The following ANO4 variants were observed in gnomAD, a reference collection of about 807,000 sequenced individuals.
ANO4 encodes anoctamin 4.
A neutral mutation model predicts 141.9 loss-of-function variants in ANO4; 69 were observed. The ratio of observed to expected loss-of-function variants is 0.49; its 90% CI spans 0.40 to 0.59. The LOEUF (loss-of-function observed/expected upper bound fraction) is 0.59. ANO4 is among the 20% of genes least tolerant of loss of function. The pLI is 0.00. For synonymous variants in ANO4, 350 were observed against 394.3 expected, an observed-to-expected ratio of 0.89 and a Z score of 1.33; for missense variants, 894 against 1,162.2, an observed-to-expected ratio of 0.77 and a Z score of 3.36.
At chr12:100,821,951 G>A (rs2036078223) in intron 1 of ANO4, among the ~76,000 whole-genome samples, 1 of 151,810 alleles carries the variant, frequency 6.6e-6, no homozygotes, top group South Asian at 2.1e-4. Flanking sequence ...GACACTATAT[G>A]AAAGTGCTCA....
intron 2 of ANO4, among the ~76,000 whole-genome samples, chr12:100,917,504 C>T (rs752138383): frequency 4.6e-5 from 7 of 152,118 alleles, no homozygotes; most frequent in African/African-American, 7.2e-5. Context: ...ATCAGTAGTA[C>T]GAAGTAGGCA....
chr12:101,125,349 G>T (rs575090054), intron 26 of ANO4, among the ~76,000 whole-genome samples: 1 of 152,238 alleles, frequency 6.6e-6, no homozygotes, highest in South Asian at 2.1e-4. Flanking sequence ...TTGCTTATCA[G>T]CTTAAGAAGC....
rs75488747 is a variant in ANO4 at position 100,796,926 on chromosome 12, C to T, written c.-141+1899C>T. On this transcript the variant is annotated intron_variant, in intron 1 of 27. Transcript: ENST00000392977. ...TCATTAAGATGGAAAGTGTTAGAAT[C>T]AGCTTGGGTGTCATGGAAATAGACT... 3.3e-3 allele frequency among the ~76,000 whole-genome samples: 495 copies of T among 152,186 alleles called. 7 individuals carry two copies. The East Asian group carries it at 0.048, about 15-fold the overall frequency.
At chr12:100,876,457 G>T (rs1045001756) in intron 1 of ANO4, among the ~76,000 whole-genome samples, 1 of 152,166 alleles carries the variant, frequency 6.6e-6, no homozygotes, top group African/African-American at 2.4e-5. Context: ...TGGGATGATA[G>T]CTGGAAGGTT....
chr12:100,718,479 A>G (rs2136707988), intron 1 of ANO4, among the ~76,000 whole-genome samples: 1 of 152,332 alleles, frequency 6.6e-6, no homozygotes, highest in East Asian at 1.9e-4. Flanking sequence ...GGGACATCTC[A>G]AAGCCTGGGA....
intron 3 of ANO4, among the ~76,000 whole-genome samples, chr12:100,789,419 T>C (rs959741363): frequency 4.6e-5 from 7 of 152,184 alleles, no homozygotes; most frequent in African/African-American, 1.7e-4. Context: ...AAATTTGCAA[T>C]GGCTTTTTTG....
intron 6 of ANO4, 75 bp downstream of exon 6, chr12:100,971,481 A>G: frequency 9.2e-7 from 1 of 1,089,304 alleles, no homozygotes; most frequent in Non-Finnish European, 1.3e-6. Flanking sequence ...TCTCAGAACA[A>G]ATAAAACTGA....
intron 3 of ANO4, among the ~76,000 whole-genome samples, chr12:100,929,396 A>G (rs1218469611): frequency 6.6e-6 from 1 of 152,098 alleles, no homozygotes; most frequent in Admixed American, 6.6e-5. Flanking sequence ...GGCTCATTTC[A>G]CTTAACATAA....
chr12:101,126,434 TA>T (rs1158898440), intron 26 of ANO4, among the ~76,000 whole-genome samples: 3 of 152,218 alleles, frequency 2.0e-5, no homozygotes, highest in Non-Finnish European at 4.4e-5. Context: ...CCAAGATTTG[TA>T]AAGCACTTGA....
chr12:101,003,708 A>T (rs1330957161), intron 8 of ANO4, among the ~76,000 whole-genome samples: 1 of 152,152 alleles, frequency 6.6e-6, no homozygotes, highest in African/African-American at 2.4e-5. Flanking sequence ...AGTTCTGGTG[A>T]TCTATTGTAT....
chr12:100,932,147 T>A (rs1279460690), intron 3 of ANO4, among the ~76,000 whole-genome samples: 1 of 152,068 alleles, frequency 6.6e-6, no homozygotes, highest in East Asian at 1.9e-4. Context: ...TGCAAAGCCC[T>A]CTTCTGTCTT....
At chr12:100,814,859 G>A (rs188213118) in intron 1 of ANO4, among the ~76,000 whole-genome samples, 46 of 152,238 alleles carry the variant, frequency 3.0e-4, no homozygotes, top group Admixed American at 1.7e-3. Context: ...GGAGTTTGGG[G>A]ACATGAGGTT....
chr12:101,057,702 A>G (rs2048179008), intron 14 of ANO4, among the ~76,000 whole-genome samples: 1 of 151,708 alleles, frequency 6.6e-6, no homozygotes, highest in Admixed American at 6.6e-5. Flanking sequence ...CCCACTTTTT[A>G]TGGGGTTGTT....
At chr12:100,982,679 G>C (rs571042134) in intron 7 of ANO4, among the ~76,000 whole-genome samples, 9 of 152,270 alleles carry the variant, frequency 5.9e-5, no homozygotes, top group African/African-American at 2.2e-4. Flanking sequence ...TATGGATTCT[G>C]TTGGCTCATA....
intron 1 of ANO4, among the ~76,000 whole-genome samples, chr12:100,877,399 T>G (rs1324561464): frequency 6.6e-6 from 1 of 151,378 alleles, no homozygotes; most frequent in Non-Finnish European, 1.5e-5. Flanking sequence ...AGCATAAATA[T>G]ATATAATTTT....
At chr12:100,765,108 G>A (rs534504211) in intron 3 of ANO4, among the ~76,000 whole-genome samples, 1 of 152,214 alleles carries the variant, frequency 6.6e-6, no homozygotes, top group South Asian at 2.1e-4. Flanking sequence ...TTGTTGGAAG[G>A]TTTCGATTGC....
chr12:101,043,041 C>T (rs2047472042), intron 12 of ANO4, among the ~76,000 whole-genome samples: 1 of 152,194 alleles, frequency 6.6e-6, no homozygotes, highest in South Asian at 2.1e-4. Flanking sequence ...AAGCCTTCCA[C>T]CTACGAAAAC....
At chr12:101,121,235 T>G (rs1281489683) in intron 26 of ANO4, among the ~76,000 whole-genome samples, 2 of 151,556 alleles carry the variant, frequency 1.3e-5, no homozygotes, top group African/African-American at 4.9e-5. Context: ...CCCTCTCCCC[T>G]CTATAGTAGT....
At chr12:101,108,161 GATAAT>G (rs1167122299) in intron 22 of ANO4, among the ~76,000 whole-genome samples, 1 of 152,122 alleles carries the variant, frequency 6.6e-6, no homozygotes, top group Non-Finnish European at 1.5e-5. Context: ...TTATCAGAGA[GATAAT>G]AATGAAGTCA....
Sources: gnomAD v4.1 joint callset for allele counts (sites outside exome capture counted in the v4.1 genomes callset) on GRCh38, gnomAD v4.1.1 for gene constraint, MANE v1.5 for transcripts, NCBI Gene and HGNC (gene_info 2026-07-23, HGNC 2026-07-21) for gene names.